PTPRT: variants seen among roughly 807,000 people sequenced by gnomAD.
PTPRT encodes protein tyrosine phosphatase receptor type T.
PTPRT carries 56 observed loss-of-function variants against 176.8 expected under a neutral mutation model. The ratio of observed to expected loss-of-function variants is 0.32; its 90% CI spans 0.26 to 0.40. PTPRT has a LOEUF of 0.40. PTPRT is among the 10% of genes least tolerant of loss of function. The probability of loss-of-function intolerance (pLI) is 1.00; values close to 1 mark genes in which losing one functional copy is unlikely to be tolerated. For missense variants in PTPRT, 1,540 were observed against 1,908.2 expected (o/e 0.81, Z 3.60); for synonymous variants, 783 against 739.0 (o/e 1.06, Z -0.96).
intron 1 of PTPRT, among the ~76,000 whole-genome samples, chr20:43,066,757 C>G (rs1374345256): frequency 6.6e-6 from 1 of 152,160 alleles, no homozygotes; most frequent in South Asian, 2.1e-4. Context: ...GGGAGAGTGG[C>G]TTCATCTTTG....
chr20:42,693,207 C>T (rs1161370746), intron 6 of PTPRT, among the ~76,000 whole-genome samples: 4 of 152,116 alleles, frequency 2.6e-5, no homozygotes, highest in Non-Finnish European at 5.9e-5. Context: ...TACTGGGATA[C>T]ATTTTTAAAG....
intron 6 of PTPRT, among the ~76,000 whole-genome samples, chr20:42,736,287 C>A (rs2076538719): frequency 6.6e-6 from 1 of 152,126 alleles, no homozygotes; most frequent in Non-Finnish European, 1.5e-5. Context: ...GCAGCATGTG[C>A]AAAGGCTCTG....
intron 4 of PTPRT, among the ~76,000 whole-genome samples, chr20:42,773,309 C>A (rs1007408511): frequency 6.6e-6 from 1 of 152,174 alleles, no homozygotes; most frequent in African/African-American, 2.4e-5. Flanking sequence ...GAGCACTGGG[C>A]AGCGTGGAAT....
At chr20:42,086,741 A>AT (rs1311915259) in intron 27 of PTPRT, among the ~76,000 whole-genome samples, 690 of 37,942 alleles carry the variant, frequency 0.018, 77 homozygotes, top group African/African-American at 0.065. Flanking sequence ...AAAAAAAAAA[A>AT]AAAAAAAAAA....
intron 15 of PTPRT, among the ~76,000 whole-genome samples, chr20:42,222,504 C>T (rs1256463742): frequency 6.6e-6 from 1 of 152,184 alleles, no homozygotes; most frequent in African/African-American, 2.4e-5. Flanking sequence ...CTCATCTTCC[C>T]CTGTCTTTCT....
chr20:42,217,230 C>T (rs1446473379), intron 15 of PTPRT, among the ~76,000 whole-genome samples: 3 of 151,828 alleles, frequency 2.0e-5, no homozygotes, highest in African/African-American at 7.3e-5. Flanking sequence ...AAAATTAGCC[C>T]GGTGTGGTGA....
intron 13 of PTPRT, among the ~76,000 whole-genome samples, chr20:42,281,825 T>G (rs1600775749): frequency 2.0e-5 from 3 of 152,306 alleles, no homozygotes; most frequent in East Asian, 3.9e-4. Flanking sequence ...TTTCTAACTA[T>G]TCAACCCTGT....
chr20:42,257,091 C>A (rs1329185604), intron 13 of PTPRT, among the ~76,000 whole-genome samples: 1 of 152,184 alleles, frequency 6.6e-6, no homozygotes, highest in Non-Finnish European at 1.5e-5. Context: ...GGTTGTGACA[C>A]CAAATGGGCC....
intron 7 of PTPRT, among the ~76,000 whole-genome samples, chr20:42,528,369 C>T (rs180996179): frequency 1.3e-5 from 2 of 151,350 alleles, no homozygotes; most frequent in Non-Finnish European, 2.9e-5. Context: ...CAGTGTCTGG[C>T]GTATACTAGA....
At chr20:43,082,464 C>T (rs371510681) in intron 1 of PTPRT, among the ~76,000 whole-genome samples, 1 of 152,206 alleles carries the variant, frequency 6.6e-6, no homozygotes, top group African/African-American at 2.4e-5. Flanking sequence ...ATCCTCCCCA[C>T]AGCAAGACAC....
intron 9 of PTPRT, among the ~76,000 whole-genome samples, chr20:42,397,710 A>G (rs889782376): frequency 1.8e-4 from 27 of 152,276 alleles, no homozygotes; most frequent in African/African-American, 5.5e-4. Context: ...ACCTGGGTTG[A>G]TTCCAGGTCT....
chr20:42,186,501 G>A (rs1990790088), intron 16 of PTPRT, among the ~76,000 whole-genome samples: 1 of 151,796 alleles, frequency 6.6e-6, no homozygotes, highest in African/African-American at 2.4e-5. Flanking sequence ...GTGTGACAAA[G>A]TTTAAGTACT....
intron 1 of PTPRT, among the ~76,000 whole-genome samples, chr20:42,900,124 T>C (rs528557566): frequency 1.3e-5 from 2 of 152,286 alleles, no homozygotes; most frequent in East Asian, 1.9e-4. Context: ...AACAGGCAAA[T>C]TGCCCTGTAA....
intron 16 of PTPRT, among the ~76,000 whole-genome samples, chr20:42,173,298 G>A (rs893834397): frequency 1.3e-5 from 2 of 152,060 alleles, no homozygotes; most frequent in East Asian, 3.8e-4. Context: ...GAGTGAACTG[G>A]GCCACAATAA....
intron 1 of PTPRT, among the ~76,000 whole-genome samples, chr20:43,038,878 T>C (rs1986492323): frequency 6.6e-6 from 1 of 151,678 alleles, no homozygotes; most frequent in South Asian, 2.1e-4. Context: ...AAACAAGAAA[T>C]ATGCAAGACC....
intron 1 of PTPRT, among the ~76,000 whole-genome samples, chr20:42,906,562 C>T (rs1163744869): frequency 6.6e-6 from 1 of 152,212 alleles, no homozygotes; most frequent in African/African-American, 2.4e-5. Context: ...CACAAGCCAC[C>T]TACAGATGGC....
At chr20:42,669,565 T>C (rs189851044) in intron 7 of PTPRT, among the ~76,000 whole-genome samples, 12 of 152,304 alleles carry the variant, frequency 7.9e-5, no homozygotes, top group African/African-American at 2.4e-4. Context: ...TTCAGAACCC[T>C]AAGAGTTAGG....
chr20:42,462,003 T>TA lies in PTPRT; in HGVS notation c.1450+10262dup, dbSNP rs78975132. ...AATTGCTGGAGCAATGACATTGAGT[T>TA]AAAAAAAAAAAAGTAAGTGGGATTT... On this transcript the variant is annotated intron_variant, in intron 8 of 30. Coordinates refer to ENST00000373187, the MANE Select transcript of PTPRT (RefSeq NM_007050.6). Among the ~76,000 whole-genome samples, 696 of 144,382 alleles carry TA rather than the reference T, an allele frequency of 4.8e-3. 8 individuals carry two copies. The highest frequency in any genetic ancestry group is 0.016 in the African/African-American group (631 of 39,578). 94.7% of individuals were successfully genotyped at this position (144,382 alleles called of 152,430 possible).
At chr20:42,737,488 G>A (rs1412957238) in intron 6 of PTPRT, among the ~76,000 whole-genome samples, 8 of 152,122 alleles carry the variant, frequency 5.3e-5, no homozygotes, top group Non-Finnish European at 8.8e-5. Context: ...AAAATTAGCC[G>A]GGCATGGTGG....
Sources: allele counts gnomAD v4.1 joint callset (sites outside exome capture counted in the v4.1 genomes callset), GRCh38; gene constraint gnomAD v4.1.1; transcripts MANE v1.5; gene names NCBI Gene and HGNC (gene_info 2026-07-23, HGNC 2026-07-21).